IRX2: variants seen among roughly 807,000 people sequenced by gnomAD.
IRX2 encodes the protein iroquois homeobox 2, also known as iroquois-class homeodomain protein IRX-2.
Under a neutral mutation model 42.9 loss-of-function variants are expected in IRX2, and 26 were observed. The observed-to-expected ratio is 0.61, with a 90% CI of 0.44 to 0.84. IRX2 has a LOEUF of 0.84. Among genes scored for constraint, IRX2 ranks in the 40% least tolerant of loss-of-function variants. IRX2 has a pLI of 0.00. For synonymous variants in IRX2, 424 were observed against 353.9 expected (o/e 1.20, Z -2.22); for missense variants, 782 against 713.9 (o/e 1.10, Z -1.09).
chr5:2,744,374 TATAAC>T (rs1338370278), downstream of IRX2, among the ~76,000 whole-genome samples: 1 of 152,198 alleles, frequency 6.6e-6, no homozygotes, highest in Non-Finnish European at 1.5e-5. Flanking sequence ...TTACTCTAGT[TATAAC>T]ATTACACATA....
chr5:2,747,858 A>G (rs1477630716), intron 3 of IRX2, among the ~76,000 whole-genome samples: 4 of 152,196 alleles, frequency 2.6e-5, no homozygotes, highest in African/African-American at 9.7e-5. Flanking sequence ...AGGGGAAAAA[A>G]CGGTTTTCTT....
At chr5:2,741,999 T>C (rs186363113), downstream of IRX2, among the ~76,000 whole-genome samples, 3 of 152,336 alleles carry the variant, frequency 2.0e-5, 1 homozygote, top group Admixed American at 2.0e-4. Context: ...TCCTCTTAAA[T>C]TGTGTCTTCA....
chr5:2,749,535 C>T lies in IRX2; in HGVS notation c.502G>A (p.Ala168Thr), dbSNP rs1737849496. 2 of 1,614,078 alleles carry T rather than the reference C, an allele frequency of 1.2e-6. No individual in the cohort carries two copies. Among genetic ancestry groups the T allele is most frequent in the Admixed American group, 1.7e-5 (1 of 60,014 alleles). Residue 168 changes from alanine (A) to threonine (T), a missense_variant, in exon 2 of 4, where the codon GCG becomes ACG. Transcript: ENST00000302057. ...LTQVSTWFAN[A>T]RRRLKKENKM... ...TTCTCCTTCTTGAGGCGCCGGCGCG[C>T]GTTGGCGAACCAGGTGGAGACCTGG...
At chr5:2,741,516 T>C (rs1434705706), downstream of IRX2, among the ~76,000 whole-genome samples, 1 of 152,218 alleles carries the variant, frequency 6.6e-6, no homozygotes, top group Non-Finnish European at 1.5e-5. Context: ...TTGACTCTTA[T>C]GAGCTCTTCT....
chr5:2,745,938 G>T (rs1004239569), downstream of IRX2: 24 of 150,372 alleles, frequency 1.6e-4, no homozygotes, highest in African/African-American at 3.7e-4. Context: ...ATGTTTTTTG[G>T]TTTTTTTGCA....
chr5:2,751,430 G>C lies in IRX2; in HGVS notation c.-17C>G. The C allele has an allele frequency of 1.6e-6, 2 of 1,266,140 alleles. No individual in the cohort carries two copies. The highest frequency in any genetic ancestry group is 2.1e-5 in the South Asian group (1 of 46,794). The allele number at this position is 1,266,140 out of a possible 1,614,324, so 78.4% of individuals were successfully genotyped here. Reference sequence around the variant, plus strand: ...GTAGGACATGGTGGGCGCGGGGCGCGGGGCCCGCGTCACGCCGAGCAGCGG... The same window carrying C: ...GTAGGACATGGTGGGCGCGGGGCGCCGGGCCCGCGTCACGCCGAGCAGCGG... On this transcript the variant is annotated 5_prime_UTR_variant, in exon 1 of 4. Transcript: ENST00000302057. This position sits in a 1 kb window ranked among gnomAD's most constrained non-coding sequence, Gnocchi z 4.0.
At position 2,748,649 on chromosome 5, in the gene IRX2, C is replaced by G; in HGVS notation, c.1059G>C (p.Gly353=). 7.2e-7 allele frequency: 1 copy of G among 1,385,228 alleles called. No homozygotes were observed. The highest frequency in any genetic ancestry group is 9.3e-7 in the Non-Finnish European group (1 of 1,072,912). The allele number at this position is 1,385,228 out of a possible 1,614,324, so 85.8% of individuals were successfully genotyped here. A position where few individuals can be genotyped will look rare whatever the true frequency, so the allele number is the denominator to read the frequency against. The change falls in exon 3 of 4, where the codon GGG becomes GGC. Residue 353 remains glycine (G), a synonymous_variant. Coordinates refer to ENST00000302057, the MANE Select transcript of IRX2 (RefSeq NM_033267.5). ...AGGCCGGCGCGGCGGCCGCGGGCAG[C>G]CCCGGTGGCCCGCAGCCCGGGCCCA... ...PSLGPGCGPP[G]LPAAAAPAST...
chr5:2,748,540 C>T lies in IRX2; in HGVS notation c.1168G>A (p.Gly390Ser), dbSNP rs150888204. 8 of 1,577,928 alleles carry T rather than the reference C, an allele frequency of 5.1e-6. No individual in the cohort carries two copies. Among genetic ancestry groups the T allele is most frequent in the Middle Eastern group, 1.8e-4 (1 of 5,692 alleles). ...RPLYYTSPFYGNYTNYGNLNA... is the reference protein window; with the variant it reads ...RPLYYTSPFYSNYTNYGNLNA... ...AAGTTCCCGTAGTTTGTGTAGTTGC[C>T]GTAGAAGGGCGACGTGTAGTAGAGG... The change falls in exon 3 of 4, where the codon GGC becomes AGC. Residue 390 changes from glycine to serine, a missense_variant. Gly to Ser is a moderately conservative substitution (Grantham distance 56). Transcript: ENST00000302057.
At position 2,748,577 on chromosome 5, in the gene IRX2, C is replaced by G; in HGVS notation, c.1131G>C (p.Leu377=). The change falls in exon 3 of 4, where the codon CTG becomes CTC. Residue 377 remains leucine (L), a synonymous_variant. Transcript: ENST00000302057. The part of the protein sequence containing the change: ...PGGSPYPASP[L]LGRPLYYTSP... ...ACGTGTAGTAGAGGGGGCGGCCCAGCAGCGGCGAGGCAGGGTAGGGCGAGC... is the reference window on the plus strand; with the variant it reads ...ACGTGTAGTAGAGGGGGCGGCCCAGGAGCGGCGAGGCAGGGTAGGGCGAGC... The G allele has an allele frequency of 6.4e-7, 1 of 1,561,598 alleles. No individual in the cohort carries two copies. Among genetic ancestry groups the G allele is most frequent in the South Asian group, 1.2e-5 (1 of 86,668 alleles).
chr5:2,744,093 TGTG>T (rs1327927852), downstream of IRX2, among the ~76,000 whole-genome samples: 2 of 150,732 alleles, frequency 1.3e-5, no homozygotes, highest in Non-Finnish European at 3.0e-5. Context: ...TGTGTGTGTG[TGTG>T]TGTGTGTGTG....
chr5:2,741,583 A>T (rs1311513351), downstream of IRX2, among the ~76,000 whole-genome samples: 1 of 152,228 alleles, frequency 6.6e-6, no homozygotes, highest in African/African-American at 2.4e-5. Context: ...ATGAAAAAAA[A>T]ATTCCCTAAA....
In IRX2 at chr5:2,749,776, G is replaced by T; in HGVS notation, c.261C>A (p.Tyr87Ter). Reference sequence around the variant, plus strand: ...CGGTCATGCCGGTGGTGTGCGCGTCGTAGGGTGCGCCCTGGAACCAACAAG... The same window carrying T: ...CGGTCATGCCGGTGGTGTGCGCGTCTTAGGGTGCGCCCTGGAACCAACAAG... Reference protein sequence around the residue: ...AGFPSYMGAPYDAHTTGMTGA... With the variant: ...AGFPSYMGAP The change falls in exon 2 of 4, where the codon TAC (tyrosine) becomes TAA (stop). Residue 87 changes from tyrosine (Y) to a stop codon, truncating the protein, a stop_gained. Coordinates refer to ENST00000302057, the MANE Select transcript of IRX2 (RefSeq NM_033267.5). LOFTEE classifies it high-confidence loss of function. The T allele has an allele frequency of 6.2e-7, 1 of 1,605,426 alleles. No homozygotes were observed. The highest frequency in any genetic ancestry group is 8.5e-7 in the Non-Finnish European group (1 of 1,176,082).
the IRX2 span, among the ~76,000 whole-genome samples, chr5:2,738,124 T>C: frequency 6.6e-6 from 1 of 152,384 alleles, no homozygotes; most frequent in African/African-American, 2.4e-5. Context: ...TTTGAGGGTC[T>C]AGCTCCTGCA....
chr5:2,751,131 C>T lies in IRX2; in HGVS notation c.249+34G>A, dbSNP rs1451098252. 1.6e-5 allele frequency: 20 copies of T among 1,222,994 alleles called. No homozygotes were observed. The highest frequency in any genetic ancestry group is 1.3e-4 in the Admixed American group (3 of 22,542). 75.8% of individuals were successfully genotyped at this position (1,222,994 alleles called of 1,614,324 possible). The stretch of plus-strand genomic sequence containing the variant: ...CTGAGCCCCGTCTGGGTCCCGGCGC[C>T]CAGGAGTCCCGCGTCCCGCCCGCGC... On this transcript the variant is annotated intron_variant, in intron 1 of 3. Coordinates refer to ENST00000302057, the MANE Select transcript of IRX2 (RefSeq NM_033267.5). This position sits in a 1 kb window ranked among gnomAD's most constrained non-coding sequence, Gnocchi z 4.0.
intron 1 of IRX2, 70 bp from the exon 2 acceptor site, chr5:2,749,857 C>T: frequency 3.4e-6 from 5 of 1,466,458 alleles, no homozygotes; most frequent in Non-Finnish European, 4.5e-6. Flanking sequence ...AGGATGCCAC[C>T]CCTCCGCCCG....
Position 2,751,151 on chromosome 5 carries a change from C to A in IRX2, c.249+14G>T. 8.1e-7 allele frequency: 1 copy of A among 1,240,638 alleles called. No homozygotes were observed. The highest frequency in any genetic ancestry group is 3.4e-5 in the East Asian group (1 of 29,288). 76.9% of individuals were successfully genotyped at this position (1,240,638 alleles called of 1,614,324 possible). Reference sequence around the variant, plus strand: ...GGCGCCCAGGAGTCCCGCGTCCCGCCCGCGCCCGGTTACCATGTAGGACGG... The same window carrying A: ...GGCGCCCAGGAGTCCCGCGTCCCGCACGCGCCCGGTTACCATGTAGGACGG... On this transcript the variant is annotated intron_variant, in intron 1 of 3. Transcript: ENST00000302057. The surrounding 1 kb of genome is among the most constrained non-coding windows in gnomAD (Gnocchi z 4.0).
chr5:2,739,787 G>C, the IRX2 span, among the ~76,000 whole-genome samples: 4 of 152,218 alleles, frequency 2.6e-5, no homozygotes, highest in Non-Finnish European at 4.4e-5. Flanking sequence ...GCGAGCACCC[G>C]GGGCCAGCCA....
At chr5:2,742,539 T>A (rs1275217495), downstream of IRX2, among the ~76,000 whole-genome samples, 2 of 152,214 alleles carry the variant, frequency 1.3e-5, no homozygotes, top group African/African-American at 4.8e-5. Context: ...GATAGCCTCT[T>A]CGGTTAACGC....
Position 2,751,285 on chromosome 5 carries a change from C to T in IRX2, c.129G>A (p.Ser43=). ...SEELARSASG[S]AFSPYPGSAA... ...CCGAGCCCGGGTAGGGGCTGAACGCCGAGCCCGACGCCGAGCGCGCCAGCT... is the reference window on the plus strand; with the variant it reads ...CCGAGCCCGGGTAGGGGCTGAACGCTGAGCCCGACGCCGAGCGCGCCAGCT... The change falls in exon 1 of 4, where the codon TCG becomes TCA. Residue 43 remains serine, a synonymous_variant. Coordinates refer to ENST00000302057, the MANE Select transcript of IRX2 (RefSeq NM_033267.5). The surrounding 1 kb of genome is among the most constrained non-coding windows in gnomAD (Gnocchi z 4.0). 1 of 1,429,748 alleles carries T rather than the reference C, an allele frequency of 7.0e-7. No individual in the cohort carries two copies. Among genetic ancestry groups the T allele is most frequent in the South Asian group, 1.3e-5 (1 of 74,600 alleles). The allele number at this position is 1,429,748 out of a possible 1,614,324, so 88.6% of individuals were successfully genotyped here.
Sources: allele counts gnomAD v4.1 joint callset (sites outside exome capture counted in the v4.1 genomes callset), GRCh38; gene constraint gnomAD v4.1.1; non-coding constraint Gnocchi (gnomAD v3.1); transcripts MANE v1.5; gene names NCBI Gene and HGNC (gene_info 2026-07-23, HGNC 2026-07-21).